FKTN: variants seen among roughly 807,000 people sequenced by gnomAD.
FKTN encodes fukutin, also known as ribitol-5-phosphate transferase FKTN.
FKTN carries 47 observed loss-of-function variants against 58.6 expected under a neutral mutation model. That is an observed-to-expected ratio of 0.80 (90% CI 0.63 to 1.02). The LOEUF (loss-of-function observed/expected upper bound fraction) is 1.02. Ranked by LOEUF, FKTN falls within the 50% of genes least tolerant of loss-of-function variation. FKTN has a pLI of 0.00. For synonymous variants in FKTN, 178 were observed against 191.9 expected (o/e 0.93, Z 0.60); for missense variants, 516 against 537.3 (o/e 0.96, Z 0.39).
intron 3 of FKTN, among the ~76,000 whole-genome samples, chr9:105,575,821 T>C (rs1841570476): frequency 6.6e-6 from 1 of 152,232 alleles, no homozygotes; most frequent in African/African-American, 2.4e-5. Flanking sequence ...TCAGAATTAA[T>C]CACTTTGCGC....
intron 10 of FKTN, among the ~76,000 whole-genome samples, chr9:105,621,796 A>G (rs1422546884): frequency 6.6e-6 from 1 of 152,098 alleles, no homozygotes; most frequent in African/African-American, 2.4e-5. Context: ...TGGCAATACC[A>G]TAATTTATTC....
chr9:105,618,046 T>C lies in FKTN; in HGVS notation c.998T>C (p.Leu333Ser). The C allele has an allele frequency of 6.2e-7, 1 of 1,610,212 alleles. No individual in the cohort carries two copies. Among genetic ancestry groups the C allele is most frequent in the Non-Finnish European group, 8.5e-7 (1 of 1,176,426 alleles). The change falls in exon 9 of 11, where the codon TTA becomes TCA. Residue 333 changes from leucine to serine, a missense_variant. Leu to Ser is a moderately radical substitution (Grantham distance 145). Transcript: ENST00000357998. Reference sequence around the variant, plus strand: ...CAAGATTACAAATCTGATATTATTTTAGCATTTCAGGATGCAGGACTTCCG... The same window carrying C: ...CAAGATTACAAATCTGATATTATTTCAGCATTTCAGGATGCAGGACTTCCG... ...FIQDYKSDII[L>S]AFQDAGLPLK...
Position 105,635,554 on chromosome 9 carries a change from T to TC in FKTN, c.*295dup. The TC allele has an allele frequency of 8.4e-7, 1 of 1,193,074 alleles. No individual in the cohort carries two copies. Among genetic ancestry groups the TC allele is most frequent in the Non-Finnish European group, 1.1e-6 (1 of 925,964 alleles). 73.9% of individuals were successfully genotyped at this position (1,193,074 alleles called of 1,614,324 possible). On this transcript the variant is annotated 3_prime_UTR_variant, in exon 11 of 11. Transcript: ENST00000357998. ...ACTCAATTTTCCTTTGAGGGAACCC[T>TC]CCCCCACCCTTTGAAGAGTTCAAGT...
Position 105,638,840 on chromosome 9 carries a change from C to A in FKTN, c.*3576C>A. ...CCTTTTTGAGTTTGTGACCTCAAAC[C>A]ATTGTTTTTATTCTTACACGACTAC... On this transcript the variant is annotated 3_prime_UTR_variant, in exon 11 of 11. Transcript: ENST00000357998. 1.0e-6 allele frequency: 1 copy of A among 984,418 alleles called. No homozygotes were observed. Among genetic ancestry groups the A allele is most frequent in the African/African-American group, 1.7e-5 (1 of 57,280 alleles). 61.0% of individuals were successfully genotyped at this position (984,418 alleles called of 1,614,324 possible). A position where few individuals can be genotyped will look rare whatever the true frequency, so the allele number is the denominator to read the frequency against.
chr9:105,596,616 A>G lies in FKTN; in HGVS notation c.124A>G (p.Lys42Glu), dbSNP rs752663857. Residue 42 changes from lysine (K) to glutamate (E), a missense_variant, in exon 4 of 11, where the codon AAA (lysine) becomes GAA (glutamate). Transcript: ENST00000357998. ...TTCCTAGAATGGAGCTGGTTTGTCA[A>G]AATCCAAAGGAAGCCGAATTGGATT... ...LSTKNGAGLS[K>E]SKGSRIGFDS... 30 of 1,613,206 alleles carry G rather than the reference A, an allele frequency of 1.9e-5. No homozygotes were observed. The South Asian group carries it at 3.2e-4, about 17-fold the overall frequency.
rs1474398133 is a variant in FKTN at position 105,640,137 on chromosome 9, T to C, written c.*4873T>C. On this transcript the variant is annotated 3_prime_UTR_variant, in exon 11 of 11. Coordinates refer to ENST00000357998, the MANE Select transcript of FKTN (RefSeq NM_001079802.2). Reference sequence around the variant, plus strand: ...CAGGGTGCATGATGCCATTTTAAGCTGCTTCACATCAGACTGAAATCCTAA... The same window carrying C: ...CAGGGTGCATGATGCCATTTTAAGCCGCTTCACATCAGACTGAAATCCTAA... 2 of 1,535,406 alleles carry C rather than the reference T, an allele frequency of 1.3e-6. No individual in the cohort carries two copies. The highest frequency in any genetic ancestry group is 4.9e-5 in the East Asian group (2 of 40,914).
intron 10 of FKTN, 138 bp downstream of exon 10, chr9:105,620,199 C>A (rs1831605405): frequency 4.3e-6 from 3 of 691,196 alleles, no homozygotes; most frequent in Non-Finnish European, 4.9e-6. Flanking sequence ...TTAGCTTACC[C>A]ATAGAGTCCA....
intron 7 of FKTN, among the ~76,000 whole-genome samples, chr9:105,610,651 C>T (rs1829751898): frequency 6.6e-6 from 1 of 151,912 alleles, no homozygotes; most frequent in Admixed American, 6.6e-5. Context: ...ACTTCCCACA[C>T]CTGGCTGCTG....
chr9:105,608,754 G>A (rs1298532639), intron 7 of FKTN, among the ~76,000 whole-genome samples: 1 of 152,208 alleles, frequency 6.6e-6, no homozygotes, highest in Non-Finnish European at 1.5e-5. Context: ...CTAAAGCTGA[G>A]GCCTGACAGC....
chr9:105,621,942 A>G (rs897450082), intron 10 of FKTN, among the ~76,000 whole-genome samples: 2 of 152,086 alleles, frequency 1.3e-5, no homozygotes, highest in African/African-American at 2.4e-5. Context: ...TATTAGACTC[A>G]AATTTTGGGG....
At chr9:105,611,404 T>C (rs370799975) in intron 7 of FKTN, among the ~76,000 whole-genome samples, 1 of 152,222 alleles carries the variant, frequency 6.6e-6, no homozygotes, top group Non-Finnish European at 1.5e-5. Context: ...GTTTGTTACA[T>C]AGGTAAACTT....
intron 7 of FKTN, among the ~76,000 whole-genome samples, chr9:105,611,149 C>T (rs977189821): frequency 6.6e-6 from 1 of 152,050 alleles, no homozygotes; most frequent in East Asian, 1.9e-4. Context: ...AGAGTTGGTA[C>T]CTTCTGTCAT....
intron 3 of FKTN, among the ~76,000 whole-genome samples, chr9:105,583,075 GT>G (rs1331099776): frequency 6.6e-6 from 1 of 152,114 alleles, no homozygotes; most frequent in African/African-American, 2.4e-5. Context: ...GGGAAGTAAG[GT>G]TTTACTATTG....
intron 10 of FKTN, among the ~76,000 whole-genome samples, chr9:105,633,057 A>T (rs555307071): frequency 6.4e-4 from 97 of 152,266 alleles, no homozygotes; most frequent in Middle Eastern, 6.8e-3. Context: ...ATCAGTTTTT[A>T]CATTTTATTG....
intron 3 of FKTN, 151 bp from the exon 4 acceptor site, chr9:105,596,447 T>C: frequency 3.2e-6 from 2 of 628,056 alleles, no homozygotes; most frequent in South Asian, 3.8e-5. Context: ...AATGTAGAAT[T>C]CTTAGCTCAT....
Position 105,596,807 on chromosome 9 carries a change from T to C in FKTN, c.165+150T>C, listed in dbSNP as rs1224819745. 8.7e-6 allele frequency: 6 copies of C among 687,988 alleles called. No homozygotes were observed. In the African/African-American group the frequency reaches 1.1e-4, roughly 12 times the overall value. 42.6% of individuals were successfully genotyped at this position (687,988 alleles called of 1,614,324 possible). The stretch of plus-strand genomic sequence containing the variant: ...TAGTGGCAGGTAAGGGACAGGCCCT[T>C]TACCAAGTGCTTTATGCAATGTCTT... On this transcript the variant is annotated intron_variant, in intron 4 of 10. Transcript: ENST00000357998.
chr9:105,626,103 C>A (rs1832702538), intron 10 of FKTN, among the ~76,000 whole-genome samples: 1 of 152,112 alleles, frequency 6.6e-6, no homozygotes, highest in African/African-American at 2.4e-5. Context: ...GAATATATCA[C>A]AAATATTTAT....
At chr9:105,615,200 AT>A (rs1177331607) in intron 7 of FKTN, 77 bp from the exon 8 acceptor site, 31 of 1,523,318 alleles carry the variant, frequency 2.0e-5, no homozygotes, top group Non-Finnish European at 2.3e-5. Context: ...TAATTTTCAA[AT>A]TTAATTCAGA....
At position 105,640,093 on chromosome 9, in the gene FKTN, T is replaced by C. The variant is rs1007336365; in HGVS notation, c.*4829T>C. ...CTGCCCTCAAATTTCTGTTTCTATCTCAACTAGGCAAGAATCAGCAGGGTG... is the reference window on the plus strand; with the variant it reads ...CTGCCCTCAAATTTCTGTTTCTATCCCAACTAGGCAAGAATCAGCAGGGTG... On this transcript the variant is annotated 3_prime_UTR_variant, in exon 11 of 11. Coordinates refer to ENST00000357998, the MANE Select transcript of FKTN (RefSeq NM_001079802.2). 6.5e-7 allele frequency: 1 copy of C among 1,535,112 alleles called. No individual in the cohort carries two copies. The highest frequency in any genetic ancestry group is 1.2e-5 in the South Asian group (1 of 84,036).
Sources: gnomAD v4.1 joint callset for allele counts (sites outside exome capture counted in the v4.1 genomes callset) on GRCh38, gnomAD v4.1.1 for gene constraint, MANE v1.5 for transcripts, NCBI Gene and HGNC (gene_info 2026-07-23, HGNC 2026-07-21) for gene names.